Variants in MPP7 observed in about 807,000 individuals in gnomAD.
The protein encoded by MPP7 is MAGUK p55 scaffold protein 7, also known as MAGUK p55 subfamily member 7.
MPP7 carries 60 observed loss-of-function variants against 76.5 expected under a neutral mutation model. The observed-to-expected ratio is 0.78, with a 90% CI of 0.64 to 0.97. The LOEUF is 0.97. Ranked by LOEUF, MPP7 falls within the 50% of genes least tolerant of loss-of-function variation. MPP7 has a pLI of 0.00. For synonymous variants in MPP7, 237 were observed against 244.5 expected (o/e 0.97, Z 0.29); for missense variants, 641 against 694.0 (o/e 0.92, Z 0.86).
intron 13 of MPP7, among the ~76,000 whole-genome samples, chr10:28,061,516 G>T (rs1426202300): frequency 6.6e-6 from 1 of 151,586 alleles, no homozygotes; most frequent in Non-Finnish European, 1.5e-5. Context: ...ACAACAACAA[G>T]ATTTAAAAAA....
At chr10:28,227,692 G>T (rs1446606717) in intron 2 of MPP7, among the ~76,000 whole-genome samples, 1 of 152,014 alleles carries the variant, frequency 6.6e-6, no homozygotes, top group Non-Finnish European at 1.5e-5. Context: ...GGTGTATATG[G>T]ACCACATTTT....
intron 5 of MPP7, among the ~76,000 whole-genome samples, chr10:28,142,000 T>C (rs1360836655): frequency 3.3e-5 from 5 of 152,044 alleles, no homozygotes; most frequent in Admixed American, 3.3e-4. Flanking sequence ...GAACCACATC[T>C]TATACCATAC....
At chr10:28,056,055 T>C (rs1274712621) in intron 16 of MPP7, among the ~76,000 whole-genome samples, 1 of 152,182 alleles carries the variant, frequency 6.6e-6, no homozygotes, top group Non-Finnish European at 1.5e-5. Context: ...TCTTATCTAC[T>C]GCTTATATCT....
intron 3 of MPP7, among the ~76,000 whole-genome samples, chr10:28,164,668 A>ATT (rs71391014): frequency 6.6e-5 from 10 of 151,322 alleles, no homozygotes; most frequent in Admixed American, 5.3e-4. Context: ...ACATTATGAG[A>ATT]TTTTTTTTTT....
chr10:28,134,193 A>G (rs1835284416), intron 5 of MPP7, among the ~76,000 whole-genome samples: 1 of 152,156 alleles, frequency 6.6e-6, no homozygotes, highest in Admixed American at 6.5e-5. Context: ...ATTTTACATT[A>G]TTAGTCTAAA....
chr10:28,247,596 A>T (rs938154018), intron 1 of MPP7, among the ~76,000 whole-genome samples: 1 of 152,188 alleles, frequency 6.6e-6, no homozygotes, highest in Non-Finnish European at 1.5e-5. Flanking sequence ...CCTAAAGGAA[A>T]TCCTCACTTA....
At position 28,097,896 on chromosome 10, in the gene MPP7, T is replaced by C. The variant is rs930914477; in HGVS notation, c.953-8055A>G. ...AAGGTGTTTTCACAATGCAGGACCA[T>C]GACTAGAAAATAAAGACTTTTTGCA... On this transcript the variant is annotated intron_variant, in intron 11 of 16. Coordinates refer to ENST00000683449, the MANE Select transcript of MPP7 (RefSeq NM_001318170.2). Among the ~76,000 whole-genome samples the C allele has an allele frequency of 3.3e-5, 5 of 152,176 alleles. No individual in the cohort carries two copies. The South Asian group carries it at 6.2e-4, about 19-fold the overall frequency.
intron 1 of MPP7, among the ~76,000 whole-genome samples, chr10:28,297,045 G>T (rs1841051629): frequency 6.6e-6 from 1 of 152,176 alleles, no homozygotes; most frequent in Admixed American, 6.5e-5. Context: ...GGAAGAATCA[G>T]AGGGTTCAAT....
At chr10:28,181,620 G>A (rs1048102493) in intron 3 of MPP7, among the ~76,000 whole-genome samples, 1 of 152,194 alleles carries the variant, frequency 6.6e-6, no homozygotes, top group Non-Finnish European at 1.5e-5. Context: ...GCCTGGAAGG[G>A]CAAGTTATTC....
At chr10:28,257,693 C>A in intron 1 of MPP7, among the ~76,000 whole-genome samples, 1 of 148,042 alleles carries the variant, frequency 6.8e-6, no homozygotes. Context: ...CATGTATACA[C>A]ATGTAACTAA....
At chr10:28,099,570 C>T (rs866219772) in intron 11 of MPP7, among the ~76,000 whole-genome samples, 4 of 152,044 alleles carry the variant, frequency 2.6e-5, no homozygotes, top group Admixed American at 6.6e-5. Flanking sequence ...TCTGGGAGGC[C>T]GAGGCGGGTG....
intron 15 of MPP7, among the ~76,000 whole-genome samples, chr10:28,057,382 G>A (rs1851596300): frequency 6.6e-6 from 1 of 152,038 alleles, no homozygotes; most frequent in African/African-American, 2.4e-5. Flanking sequence ...CCCCCTTGGT[G>A]CTGTCATCAC....
chr10:28,218,168 C>T (rs1370826873), intron 2 of MPP7, among the ~76,000 whole-genome samples: 2 of 151,988 alleles, frequency 1.3e-5, no homozygotes, highest in Non-Finnish European at 2.9e-5. Context: ...CAAAAGAGGC[C>T]GGTGGAGAAT....
chr10:28,205,668 A>G (rs1056935469), intron 2 of MPP7, among the ~76,000 whole-genome samples: 2 of 152,170 alleles, frequency 1.3e-5, no homozygotes, highest in African/African-American at 2.4e-5. Flanking sequence ...AGACAGGTCT[A>G]TTCGTAAGTC....
At chr10:28,257,512 G>A (rs1408148897) in intron 1 of MPP7, among the ~76,000 whole-genome samples, 3 of 144,840 alleles carry the variant, frequency 2.1e-5, no homozygotes, top group South Asian at 4.4e-4. Flanking sequence ...ACCAAACACC[G>A]CATATTCTCA....
At chr10:28,138,127 A>C (rs1309978806) in intron 5 of MPP7, among the ~76,000 whole-genome samples, 1 of 152,192 alleles carries the variant, frequency 6.6e-6, no homozygotes, top group Non-Finnish European at 1.5e-5. Context: ...TAAAAAATCT[A>C]CCAAATTTTC....
At chr10:28,063,485 G>C (rs1851874960) in intron 13 of MPP7, among the ~76,000 whole-genome samples, 1 of 150,138 alleles carries the variant, frequency 6.7e-6, no homozygotes, top group African/African-American at 2.4e-5. Flanking sequence ...AAAGTCAAAA[G>C]ATTTGAACAC....
intron 3 of MPP7, among the ~76,000 whole-genome samples, chr10:28,201,867 C>T (rs12263951): frequency 0.011 from 1,738 of 152,170 alleles, 38 homozygotes; most frequent in African/African-American, 0.039. Flanking sequence ...GAATGTTGAC[C>T]GTAAAAGAGT....
chr10:28,167,024 A>G (rs1021931737), intron 3 of MPP7, among the ~76,000 whole-genome samples: 5 of 152,050 alleles, frequency 3.3e-5, no homozygotes, highest in African/African-American at 1.2e-4. Context: ...GAACTCTGCT[A>G]GTGGGGCCGG....
Sources: gnomAD v4.1 joint callset for allele counts (sites outside exome capture counted in the v4.1 genomes callset) on GRCh38, gnomAD v4.1.1 for gene constraint, MANE v1.5 for transcripts, NCBI Gene and HGNC (gene_info 2026-07-23, HGNC 2026-07-21) for gene names.